AP2B1: variants seen among roughly 807,000 people sequenced by gnomAD.
The protein encoded by AP2B1 is adaptor related protein complex 2 subunit beta 1, also known as AP-2 complex subunit beta.
AP2B1 carries 23 observed loss-of-function variants against 102.0 expected under a neutral mutation model. The ratio of observed to expected loss-of-function variants is 0.23; its 90% confidence interval spans 0.16 to 0.32. AP2B1 has a LOEUF of 0.32. Ranked by LOEUF, AP2B1 falls within the 10% of genes least tolerant of loss-of-function variation. The pLI, the probability that AP2B1 is intolerant of heterozygous loss-of-function variation, is 1.00. For synonymous variants in AP2B1, 381 were observed against 421.2 expected (o/e 0.90, Z 1.17); for missense variants, 541 against 1,157.4 (o/e 0.47, Z 7.73).
chr17:35,711,587 G>A (rs1555587541), intron 20 of AP2B1, among the ~76,000 whole-genome samples: 1 of 152,078 alleles, frequency 6.6e-6, no homozygotes, highest in East Asian at 1.9e-4. Context: ...TCCTGCCTCA[G>A]CCTCCAGAGT....
intron 6 of AP2B1, 100 bp from the exon 7 acceptor site, chr17:35,626,521 T>A: frequency 1.0e-6 from 1 of 999,424 alleles, no homozygotes; most frequent in Non-Finnish European, 1.5e-6. Flanking sequence ...TTCTTTAATT[T>A]TTTGATACTT....
chr17:35,685,775 T>C (rs963773798), intron 18 of AP2B1, among the ~76,000 whole-genome samples: 7 of 152,176 alleles, frequency 4.6e-5, no homozygotes, highest in Non-Finnish European at 8.8e-5. Flanking sequence ...CTTTTTTTCT[T>C]CTTTGAGATG....
At chr17:35,611,324 G>C (rs1339151800) in intron 5 of AP2B1, among the ~76,000 whole-genome samples, 2 of 152,156 alleles carry the variant, frequency 1.3e-5, no homozygotes, top group African/African-American at 4.8e-5. Flanking sequence ...ATATGGAATG[G>C]CTCAAAGGGA....
rs777772853 is a variant in AP2B1 at position 35,598,179 on chromosome 17, C to T, written c.38-51C>T. 7.0e-6 allele frequency: 8 copies of T among 1,137,164 alleles called. No homozygotes were observed. In the South Asian group the frequency reaches 9.1e-5, roughly 13 times the overall value. The allele number at this position is 1,137,164 out of a possible 1,614,324, so 70.4% of individuals were successfully genotyped here. ...GGTTATTACATAGTGTAGTATTCTGCTCTAAGTCTGTGGTACTGGAACCTT... is the reference window on the plus strand; with the variant it reads ...GGTTATTACATAGTGTAGTATTCTGTTCTAAGTCTGTGGTACTGGAACCTT... On this transcript the variant is annotated intron_variant, in intron 2 of 21. Transcript: ENST00000610402.
rs1467892489 is a variant in AP2B1 at position 35,674,158 on chromosome 17, C to G, written c.2179-18C>G. ...ATAAATCTTGTCTGATTCTATTGAG[C>G]TTTATACTGTGTTTCAGGTCTGGCT... On this transcript the variant is annotated intron_variant, in intron 16 of 21. Coordinates refer to ENST00000610402, the MANE Select transcript of AP2B1 (RefSeq NM_001030006.2). 1 of 1,613,078 alleles carries G rather than the reference C, an allele frequency of 6.2e-7. No individual in the cohort carries two copies. The highest frequency in any genetic ancestry group is 8.5e-7 in the Non-Finnish European group (1 of 1,179,380).
intron 5 of AP2B1, among the ~76,000 whole-genome samples, chr17:35,620,392 A>G (rs534946695): frequency 4.6e-5 from 7 of 152,274 alleles, no homozygotes; most frequent in Admixed American, 3.3e-4. Flanking sequence ...ACAGTGAACT[A>G]TATGATTATG....
At position 35,725,540 on chromosome 17, in the gene AP2B1, T is replaced by C. The variant is rs2085503875; in HGVS notation, c.*1841T>C. Reference sequence around the variant, plus strand: ...CTTGAGAATCTCCAAGAGAAAAATATTTGGGGAAGGAGGGAGGAAATATGT... The same window carrying C: ...CTTGAGAATCTCCAAGAGAAAAATACTTGGGGAAGGAGGGAGGAAATATGT... On this transcript the variant is annotated 3_prime_UTR_variant, in exon 22 of 22. Coordinates refer to ENST00000610402, the MANE Select transcript of AP2B1 (RefSeq NM_001030006.2). 6.6e-6 allele frequency: 1 copy of C among 152,088 alleles called. No individual in the cohort carries two copies. Among genetic ancestry groups the C allele is most frequent in the South Asian group, 2.1e-4 (1 of 4,810 alleles). 9.4% of individuals were successfully genotyped at this position (152,088 alleles called of 1,614,324 possible).
intron 12 of AP2B1, among the ~76,000 whole-genome samples, chr17:35,646,141 T>C (rs2074926818): frequency 6.6e-6 from 1 of 152,216 alleles, no homozygotes; most frequent in Non-Finnish European, 1.5e-5. Flanking sequence ...GCTGGCCTGG[T>C]AAGTATTGTT....
chr17:35,624,163 C>T (rs1255570381), intron 5 of AP2B1, among the ~76,000 whole-genome samples: 4 of 152,122 alleles, frequency 2.6e-5, no homozygotes, highest in African/African-American at 4.8e-5. Flanking sequence ...TAACATGTGA[C>T]TCTGCTAATA....
chr17:35,621,396 A>T, intron 5 of AP2B1: 1 of 940,444 alleles, frequency 1.1e-6, no homozygotes. Context: ...CTAAAAATGT[A>T]ACAGTCTGAC....
intron 18 of AP2B1, among the ~76,000 whole-genome samples, chr17:35,684,112 C>T (rs587626574): frequency 1.5e-3 from 227 of 152,214 alleles, no homozygotes; most frequent in Non-Finnish European, 2.4e-3. Context: ...CCTTTAACAA[C>T]AGTTTTAAAT....
At chr17:35,652,972 T>G (rs964330139) in intron 13 of AP2B1, among the ~76,000 whole-genome samples, 3 of 152,198 alleles carry the variant, frequency 2.0e-5, no homozygotes, top group East Asian at 3.9e-4. Flanking sequence ...CTTAAAGCCT[T>G]TTCATCATGG....
At chr17:35,682,436 G>A (rs988367606) in intron 17 of AP2B1, among the ~76,000 whole-genome samples, 21 of 139,234 alleles carry the variant, frequency 1.5e-4, no homozygotes, top group Non-Finnish European at 2.7e-4. Flanking sequence ...TCCGCCTCCC[G>A]AGTTCAAGCG....
chr17:35,720,545 T>TTTTA (rs1402145369), intron 21 of AP2B1, among the ~76,000 whole-genome samples: 4 of 54,374 alleles, frequency 7.4e-5, no homozygotes, highest in African/African-American at 3.3e-4. Flanking sequence ...TTTATTTTAT[T>TTTTA]TATATATATA....
At chr17:35,629,596 G>A (rs759961721) in intron 9 of AP2B1, among the ~76,000 whole-genome samples, 3 of 152,068 alleles carry the variant, frequency 2.0e-5, no homozygotes, top group African/African-American at 2.4e-5. Flanking sequence ...GGTGATGATT[G>A]CATATCTATG....
At chr17:35,602,628 TTAA>T (rs1567783700) in intron 3 of AP2B1, among the ~76,000 whole-genome samples, 1 of 152,254 alleles carries the variant, frequency 6.6e-6, no homozygotes, top group Non-Finnish European at 1.5e-5. Context: ...ATAAAAATTA[TTAA>T]TGAGATATTT....
chr17:35,627,311 G>A (rs2074344792), intron 7 of AP2B1, 74 bp from the exon 8 acceptor site: 2 of 1,100,952 alleles, frequency 1.8e-6, no homozygotes, highest in East Asian at 7.3e-5. Context: ...CACAGATTAG[G>A]TATTAATACA....
chr17:35,700,274 A>G (rs1027988102), intron 18 of AP2B1, among the ~76,000 whole-genome samples: 5 of 150,456 alleles, frequency 3.3e-5, no homozygotes, highest in African/African-American at 9.8e-5. Flanking sequence ...AAAACCTGTC[A>G]CTCCGAGCCA....
intron 18 of AP2B1, among the ~76,000 whole-genome samples, chr17:35,697,614 A>G (rs1401288157): frequency 6.6e-6 from 1 of 152,114 alleles, no homozygotes; most frequent in Non-Finnish European, 1.5e-5. Flanking sequence ...AAACAGAAGA[A>G]CCCTGTCTTT....
Sources: allele counts gnomAD v4.1 joint callset (sites outside exome capture counted in the v4.1 genomes callset), GRCh38; gene constraint gnomAD v4.1.1; transcripts MANE v1.5; gene names NCBI Gene and HGNC (gene_info 2026-07-23, HGNC 2026-07-21).